GAB1: variants seen among roughly 807,000 people sequenced by gnomAD.
The protein encoded by GAB1 is GRB2 associated binding protein 1.
Under a neutral mutation model 66.5 loss-of-function variants are expected in GAB1, and 19 were observed. The ratio of observed to expected loss-of-function variants is 0.29; its 90% CI spans 0.20 to 0.42. The LOEUF (loss-of-function observed/expected upper bound fraction) is 0.42. GAB1 is among the 10% of genes least tolerant of loss of function. The probability of loss-of-function intolerance (pLI) is 1.00; values close to 1 mark genes in which losing one functional copy is unlikely to be tolerated. For synonymous variants in GAB1, 294 were observed against 301.4 expected, an observed-to-expected ratio of 0.98 and a Z score of 0.25; for missense variants, 732 against 858.5, an observed-to-expected ratio of 0.85 and a Z score of 1.84.
At chr4:143,384,275 C>G (rs2149679334) in intron 1 of GAB1, among the ~76,000 whole-genome samples, 1 of 152,184 alleles carries the variant, frequency 6.6e-6, no homozygotes, top group African/African-American at 2.4e-5. Flanking sequence ...ATAGCAATGA[C>G]TAGTTATAAT....
In GAB1 at chr4:143,363,513, C is replaced by A. The variant is rs3805255; in HGVS notation, c.72+26253C>A. ...CCTGAATAGGAACCTGTTAGGGGAGCCCAAGAGCATAGTTGAAGAAGGAAA... is the reference window on the plus strand; with the variant it reads ...CCTGAATAGGAACCTGTTAGGGGAGACCAAGAGCATAGTTGAAGAAGGAAA... On this transcript the variant is annotated intron_variant, in intron 1 of 9. Coordinates refer to ENST00000262994, the MANE Select transcript of GAB1 (RefSeq NM_002039.4). Among the ~76,000 whole-genome samples, 12 of 152,154 alleles carry A rather than the reference C, an allele frequency of 7.9e-5. No individual in the cohort carries two copies. In the East Asian group the frequency reaches 2.3e-3, roughly 29 times the overall value.
At chr4:143,382,726 T>C (rs1730708806) in intron 1 of GAB1, among the ~76,000 whole-genome samples, 1 of 152,102 alleles carries the variant, frequency 6.6e-6, no homozygotes, top group Non-Finnish European at 1.5e-5. Flanking sequence ...ATATGACCAA[T>C]AGTGTGAAAC....
intron 4 of GAB1, among the ~76,000 whole-genome samples, chr4:143,439,173 T>G (rs1734095677): frequency 6.6e-6 from 1 of 152,216 alleles, no homozygotes; most frequent in Non-Finnish European, 1.5e-5. Context: ...TTTCCTATAC[T>G]GTCTCCTAGA....
intron 9 of GAB1, among the ~76,000 whole-genome samples, chr4:143,468,603 A>AT (rs1305686918): frequency 6.6e-6 from 1 of 151,946 alleles, no homozygotes; most frequent in Non-Finnish European, 1.5e-5. Context: ...AGTTGATGTT[A>AT]TTTTTTGTGT....
Position 143,470,367 on chromosome 4 carries a change from G to C in GAB1, c.*1178G>C, listed in dbSNP as rs1455883138. Reference sequence around the variant, plus strand: ...AGCACCTGTTGCTTTTCCACTGAAAGAATTACGGATTTTGTACTGTGATTT... The same window carrying C: ...AGCACCTGTTGCTTTTCCACTGAAACAATTACGGATTTTGTACTGTGATTT... On this transcript the variant is annotated 3_prime_UTR_variant, in exon 10 of 10. Transcript: ENST00000262994. The C allele has an allele frequency of 1.3e-5, 2 of 152,116 alleles. No homozygotes were observed. Among genetic ancestry groups the C allele is most frequent in the African/African-American group, 4.8e-5 (2 of 41,430 alleles). 9.4% of individuals were successfully genotyped at this position (152,116 alleles called of 1,614,324 possible).
At chr4:143,364,760 G>A (rs763243662) in intron 1 of GAB1, among the ~76,000 whole-genome samples, 19 of 151,204 alleles carry the variant, frequency 1.3e-4, no homozygotes, top group Non-Finnish European at 2.4e-4. Context: ...TTCACTCCCC[G>A]CGTCCCACAT....
At chr4:143,411,156 G>A (rs1263961359) in intron 1 of GAB1, among the ~76,000 whole-genome samples, 4 of 152,204 alleles carry the variant, frequency 2.6e-5, no homozygotes, top group Admixed American at 2.6e-4. Context: ...GAGATGGGGC[G>A]GGAGTTGATT....
chr4:143,462,843 G>A (rs1320499695), intron 8 of GAB1, among the ~76,000 whole-genome samples: 5 of 152,038 alleles, frequency 3.3e-5, no homozygotes, highest in African/African-American at 9.7e-5. Flanking sequence ...TGTGTTTTTG[G>A]TAGAGACAGG....
chr4:143,438,326 T>A lies in GAB1; in HGVS notation c.921T>A (p.Tyr307Ter). Residue 307 changes from tyrosine to a stop codon, truncating the protein, a stop_gained, in exon 4 of 10, where the codon TAT becomes TAA. Coordinates refer to ENST00000262994, the MANE Select transcript of GAB1 (RefSeq NM_002039.4). LOFTEE classifies it high-confidence loss of function. ...AAATGAGGCATGTATCTATTAGTTA[T>A]GACATTCCTCCAACACCTGGTAATA... ...ETQMRHVSIS[Y>*]DIPPTPGNTY... is the part of the protein sequence containing the mutation. The A allele has an allele frequency of 6.2e-7, 1 of 1,614,096 alleles. No individual in the cohort carries two copies. Among genetic ancestry groups the A allele is most frequent in the Non-Finnish European group, 8.5e-7 (1 of 1,179,948 alleles).
chr4:143,444,170 G>A (rs781707722), intron 6 of GAB1, among the ~76,000 whole-genome samples: 2 of 152,008 alleles, frequency 1.3e-5, no homozygotes, highest in Non-Finnish European at 2.9e-5. Context: ...ATCTGTTATA[G>A]CTTCTCTTTA....
At chr4:143,359,465 G>A (rs1310695542) in intron 1 of GAB1, among the ~76,000 whole-genome samples, 1 of 152,156 alleles carries the variant, frequency 6.6e-6, no homozygotes, top group Non-Finnish European at 1.5e-5. Flanking sequence ...TGTATAATGA[G>A]AGAACATTTC....
intron 1 of GAB1, among the ~76,000 whole-genome samples, chr4:143,339,346 A>G (rs1728755407): frequency 6.6e-6 from 1 of 152,240 alleles, no homozygotes; most frequent in East Asian, 1.9e-4. Context: ...CTCTGTCTCT[A>G]CTAAAAATAC....
intron 1 of GAB1, among the ~76,000 whole-genome samples, chr4:143,397,772 A>T (rs1731525137): frequency 6.6e-6 from 1 of 152,194 alleles, no homozygotes; most frequent in Non-Finnish European, 1.5e-5. Flanking sequence ...TGACATATGA[A>T]CCTTGATAAT....
chr4:143,433,363 G>C, intron 2 of GAB1, 128 bp from the exon 3 acceptor site: 2 of 674,646 alleles, frequency 3.0e-6, no homozygotes, highest in Non-Finnish European at 2.6e-6. Context: ...GATAGTGTTT[G>C]TTTTAGCTGA....
intron 1 of GAB1, among the ~76,000 whole-genome samples, chr4:143,337,840 G>T (rs1180248746): frequency 6.6e-6 from 1 of 152,204 alleles, no homozygotes; most frequent in Non-Finnish European, 1.5e-5. Context: ...GCGCCCTGCC[G>T]TTTGCTTAGC....
At chr4:143,429,655 C>T (rs961835859) in intron 2 of GAB1, among the ~76,000 whole-genome samples, 2 of 150,934 alleles carry the variant, frequency 1.3e-5, no homozygotes, top group African/African-American at 2.4e-5. Context: ...CCAATTTTCC[C>T]AAGGGGCTGA....
At chr4:143,349,305 C>G (rs1729096305) in intron 1 of GAB1, 1 of 1,222,976 alleles carries the variant, frequency 8.2e-7, no homozygotes. Flanking sequence ...GAGCCTGAGT[C>G]CGCTGCATGG....
rs1729132396 is a variant in GAB1 at position 143,349,970 on chromosome 4, C to T, written c.72+12710C>T. ...TTGACCAAGCGGCCCAACTTGGTGA[C>T]GGGCATCCACTCCTTATCCTCGGCC... On this transcript the variant is annotated intron_variant, in intron 1 of 9. Coordinates refer to ENST00000262994, the MANE Select transcript of GAB1 (RefSeq NM_002039.4). 19 of 1,584,668 alleles carry T rather than the reference C, an allele frequency of 1.2e-5. No homozygotes were observed. In the Admixed American group the frequency reaches 2.7e-4, roughly 23 times the overall value.
At position 143,438,027 on chromosome 4, in the gene GAB1, T is replaced by C. The variant is rs1734021953; in HGVS notation, c.622T>C (p.Ser208Pro). The C allele has an allele frequency of 3.7e-6, 6 of 1,612,944 alleles. No homozygotes were observed. Among genetic ancestry groups the C allele is most frequent in the Non-Finnish European group, 5.1e-6 (6 of 1,179,230 alleles). ...RTHADSAKST[S>P]SETDCNDNVP... ...GCATGCTGATTCTGCAAAATCCACC[T>C]CTTCTGAAACAGACTGCAATGATAA... Residue 208 changes from serine to proline, a missense_variant, in exon 4 of 10, where the codon TCT (serine) becomes CCT (proline). This residue lies in a region of GAB1 where 427 missense variants were observed against 420.6 expected (regional missense o/e 1.02). Transcript: ENST00000262994.
Sources: gnomAD v4.1 joint callset for allele counts (sites outside exome capture counted in the v4.1 genomes callset) on GRCh38, gnomAD v4.1.1 for gene constraint, gnomAD v4.1.1 regional missense constraint, MANE v1.5 for transcripts, NCBI Gene and HGNC (gene_info 2026-07-23, HGNC 2026-07-21) for gene names.